The following SLC4A5 variants were observed in gnomAD, a reference collection of about 807,000 sequenced individuals.
The protein encoded by SLC4A5 is solute carrier family 4 member 5.
In SLC4A5, 96 loss-of-function variants were observed where a neutral mutation model predicts 120.4. That is an observed-to-expected ratio of 0.80 (90% CI 0.68 to 0.94). The LOEUF is 0.94. Ranked by LOEUF, SLC4A5 falls within the 40% of genes least tolerant of loss-of-function variation. The pLI, the probability that SLC4A5 is intolerant of heterozygous loss-of-function variation, is 0.00. For synonymous variants in SLC4A5, 550 were observed against 571.1 expected (o/e 0.96, Z 0.53); for missense variants, 1,259 against 1,459.5 (o/e 0.86, Z 2.24).
chr2:74,247,553 C>T (rs577992111), intron 18 of SLC4A5, among the ~76,000 whole-genome samples: 30 of 151,448 alleles, frequency 2.0e-4, no homozygotes, highest in African/African-American at 7.3e-4. Flanking sequence ...CTCTCTCTGT[C>T]ACCCAGTCTG....
intron 7 of SLC4A5, among the ~76,000 whole-genome samples, chr2:74,299,970 G>A (rs1672430056): frequency 6.6e-6 from 1 of 152,150 alleles, no homozygotes; most frequent in Non-Finnish European, 1.5e-5. Flanking sequence ...CAACCTGCAT[G>A]TCCACTGACA....
intron 2 of SLC4A5, among the ~76,000 whole-genome samples, chr2:74,341,828 T>C (rs1028455531): frequency 4.6e-5 from 7 of 152,192 alleles, no homozygotes; most frequent in Non-Finnish European, 8.8e-5. Flanking sequence ...TCAGGGCTGC[T>C]CTTACTCTGG....
Position 74,316,826 on chromosome 2 carries a change from C to G in SLC4A5, c.-2-1801G>C, listed in dbSNP as rs12618156. Among the ~76,000 whole-genome samples the G allele has an allele frequency of 2.0e-4, 30 of 152,326 alleles. No homozygotes were observed. In the East Asian group the frequency reaches 5.2e-3, roughly 26 times the overall value. On this transcript the variant is annotated intron_variant, in intron 5 of 30. Transcript: ENST00000394019. Reference sequence around the variant, plus strand: ...TAGCTTTGATTGGACAAAAGACTGACTTTAGTAACTCCCTCCTGATAAGAA... The same window carrying G: ...TAGCTTTGATTGGACAAAAGACTGAGTTTAGTAACTCCCTCCTGATAAGAA...
At chr2:74,233,748 T>C (rs992322353) in intron 22 of SLC4A5, among the ~76,000 whole-genome samples, 185 bp from the exon 23 acceptor site, 5 of 152,166 alleles carry the variant, frequency 3.3e-5, no homozygotes, top group African/African-American at 9.7e-5. Context: ...GGAAGGAGCA[T>C]GCATGCAGAC....
intron 8 of SLC4A5, among the ~76,000 whole-genome samples, chr2:74,274,047 C>T (rs183499326): frequency 9.8e-5 from 15 of 152,344 alleles, no homozygotes; most frequent in Admixed American, 2.6e-4. Context: ...TGCCTGTAAT[C>T]CCAGCTACTC....
In SLC4A5 at chr2:74,265,334, A is replaced by G. The variant is rs1245978665; in HGVS notation, c.402-70T>C. ...AGGAGGCCTCACCTGGGTCTCCCCA[A>G]AAGAGGGGTGTCATGTGGGTTCATG... On this transcript the variant is annotated intron_variant, in intron 8 of 30. Coordinates refer to ENST00000394019, the Ensembl canonical transcript of SLC4A5. The G allele has an allele frequency of 4.4e-5, 69 of 1,554,026 alleles. 1 individual carries two copies. In the Admixed American group the frequency reaches 1.2e-3, roughly 27 times the overall value.
At chr2:74,302,185 C>G (rs1285897895) in intron 7 of SLC4A5, among the ~76,000 whole-genome samples, 1 of 152,138 alleles carries the variant, frequency 6.6e-6, no homozygotes, top group Admixed American at 6.6e-5. Flanking sequence ...GAGACATGGC[C>G]TACAATTCCC....
intron 19 of SLC4A5, among the ~76,000 whole-genome samples, chr2:74,246,418 C>T (rs1670612184): frequency 1.3e-5 from 2 of 152,242 alleles, no homozygotes; most frequent in African/African-American, 2.4e-5. Flanking sequence ...TTCAGCTCTA[C>T]ATCCTGTGGT....
chr2:74,274,685 ACT>A (rs913793570), intron 8 of SLC4A5, among the ~76,000 whole-genome samples: 3 of 152,218 alleles, frequency 2.0e-5, no homozygotes, highest in African/African-American at 7.2e-5. Flanking sequence ...GTCCAGTGAC[ACT>A]GTCTAATGCT....
intron 5 of SLC4A5, among the ~76,000 whole-genome samples, chr2:74,316,213 T>C (rs555927886): frequency 1.4e-5 from 2 of 147,378 alleles, no homozygotes; most frequent in East Asian, 4.1e-4. Flanking sequence ...TTTAAAAAAA[T>C]TAGAAAACCT....
intron 8 of SLC4A5, among the ~76,000 whole-genome samples, chr2:74,273,516 C>T (rs566264002): frequency 1.2e-4 from 19 of 152,250 alleles, no homozygotes; most frequent in African/African-American, 4.1e-4. Context: ...CTGTAACTCT[C>T]CCACCCCGCC....
intron 5 of SLC4A5, among the ~76,000 whole-genome samples, chr2:74,327,914 C>T (rs531806399): frequency 1.3e-5 from 2 of 152,216 alleles, no homozygotes; most frequent in Non-Finnish European, 2.9e-5. Flanking sequence ...AACCTCAAGG[C>T]CAGGGTGATA....
chr2:74,284,642 C>T lies in SLC4A5; in HGVS notation c.401+1131G>A, dbSNP rs138545807. Among the ~76,000 whole-genome samples, 588 of 152,212 alleles carry T rather than the reference C, an allele frequency of 3.9e-3. 3 individuals carry two copies. Among genetic ancestry groups the T allele is most frequent in the Non-Finnish European group, 5.7e-3 (385 of 68,016 alleles). On this transcript the variant is annotated intron_variant, in intron 8 of 30. Transcript: ENST00000394019. ...GAAGGTCCCTCCCGCTGCCTCTTAC[C>T]ATAGCCTTCCTTCCCCTTGGGCTCT...
At chr2:74,234,681 C>T (rs1017646214) in intron 22 of SLC4A5, among the ~76,000 whole-genome samples, 6 of 152,204 alleles carry the variant, frequency 3.9e-5, no homozygotes, top group East Asian at 1.9e-4. Context: ...GCATTTCCAA[C>T]GAGTTCCCTG....
At chr2:74,229,259 T>G (rs13431568) in intron 25 of SLC4A5, among the ~76,000 whole-genome samples, 26,848 of 145,472 alleles carry the variant, frequency 0.18, 3,306 homozygotes, top group African/African-American at 0.36. Flanking sequence ...TTTTTTTTTT[T>G]GGGGGGGGCA....
At chr2:74,243,683 A>G (rs887727957) in intron 19 of SLC4A5, among the ~76,000 whole-genome samples, 4 of 152,134 alleles carry the variant, frequency 2.6e-5, no homozygotes, top group African/African-American at 9.7e-5. Flanking sequence ...TCACTACCCA[A>G]TGTCTTCAGA....
intron 7 of SLC4A5, among the ~76,000 whole-genome samples, chr2:74,288,045 G>A (rs1364698626): frequency 1.3e-5 from 2 of 152,162 alleles, no homozygotes; most frequent in Non-Finnish European, 2.9e-5. Flanking sequence ...ATTGACAAAG[G>A]CAGAGGTTTC....
chr2:74,264,323 C>G (rs762381540), intron 9 of SLC4A5, 24 bp from the exon 10 acceptor site: 1 of 1,608,350 alleles, frequency 6.2e-7, no homozygotes, highest in South Asian at 1.1e-5. Context: ...ATACACACCT[C>G]ATCCCTGTGG....
intron 25 of SLC4A5, among the ~76,000 whole-genome samples, chr2:74,228,585 G>A (rs762076646): frequency 1.3e-5 from 2 of 152,032 alleles, no homozygotes; most frequent in South Asian, 2.1e-4. Context: ...AGCTGAGATC[G>A]TGCTACTGAA....
Sources: gnomAD v4.1 joint callset for allele counts (sites outside exome capture counted in the v4.1 genomes callset) on GRCh38, gnomAD v4.1.1 for gene constraint, MANE v1.5 for transcripts, NCBI Gene and HGNC (gene_info 2026-07-23, HGNC 2026-07-21) for gene names.